The following GPR160 variants were observed in gnomAD, a reference collection of about 807,000 sequenced individuals.
GPR160 encodes the protein G protein-coupled receptor 160.
Under a neutral mutation model 2.6 loss-of-function variants are expected in GPR160, and 2 were observed. The observed-to-expected ratio is 0.77, with a 90% CI of 0.32 to 2.44. The LOEUF is 2.44. GPR160 is among the 30% of genes most tolerant of loss of function. The pLI is 0.11. For synonymous variants in GPR160, 130 were observed against 132.2 expected, an observed-to-expected ratio of 0.98 and a Z score of 0.12; for missense variants, 351 against 383.6, an observed-to-expected ratio of 0.91 and a Z score of 0.71.
At chr3:170,080,993 C>T (rs1455665774) in intron 3 of GPR160, among the ~76,000 whole-genome samples, 1 of 152,074 alleles carries the variant, frequency 6.6e-6, no homozygotes, top group Non-Finnish European at 1.5e-5. Flanking sequence ...GAGCCACGGC[C>T]CCCAGCCTGA....
intron 2 of GPR160, among the ~76,000 whole-genome samples, chr3:170,069,968 TTCTCTGTGTACCAGC>T (rs1333979682): frequency 6.6e-6 from 1 of 152,044 alleles, no homozygotes; most frequent in Non-Finnish European, 1.5e-5. Context: ...CCACAGCCTT[TTCTCTGTGTACCAGC>T]ATCCCTAGTA....
At chr3:170,066,306 A>G (rs1192337972) in intron 2 of GPR160, among the ~76,000 whole-genome samples, 1 of 151,220 alleles carries the variant, frequency 6.6e-6, no homozygotes, top group Non-Finnish European at 1.5e-5. Flanking sequence ...ACGCCCGGCT[A>G]ATTTTTGGTA....
At chr3:170,072,230 A>C (rs1468183721) in intron 2 of GPR160, among the ~76,000 whole-genome samples, 1 of 151,976 alleles carries the variant, frequency 6.6e-6, no homozygotes, top group Non-Finnish European at 1.5e-5. Context: ...GTCTGCCACC[A>C]TGCCCAGCTA....
chr3:170,064,065 A>G (rs1712151426), intron 2 of GPR160, among the ~76,000 whole-genome samples: 1 of 152,154 alleles, frequency 6.6e-6, no homozygotes, highest in South Asian at 2.1e-4. Context: ...ACATGTACAT[A>G]GGTCTTGAAG....
intron 2 of GPR160, among the ~76,000 whole-genome samples, chr3:170,078,549 A>C (rs1233017682): frequency 6.6e-6 from 1 of 152,216 alleles, no homozygotes; most frequent in African/African-American, 2.4e-5. Flanking sequence ...GATAAGAAAA[A>C]GCATTAGAGA....
At chr3:170,062,563 A>C in intron 2 of GPR160, 1 of 782,310 alleles carries the variant, frequency 1.3e-6, no homozygotes, top group Non-Finnish European at 2.2e-6. Flanking sequence ...ACGCCAGGAG[A>C]GGACCCCTCG....
chr3:170,081,434 T>A (rs1183610372), intron 3 of GPR160, among the ~76,000 whole-genome samples: 1 of 152,184 alleles, frequency 6.6e-6, no homozygotes, highest in Non-Finnish European at 1.5e-5. Flanking sequence ...GTTATGAAAA[T>A]AGATTTTGTA....
intron 2 of GPR160, among the ~76,000 whole-genome samples, chr3:170,045,941 A>G (rs1559981462): frequency 6.6e-6 from 1 of 152,192 alleles, no homozygotes; most frequent in African/African-American, 2.4e-5. Flanking sequence ...AGTAATAATA[A>G]TACCTACATC....
intron 2 of GPR160, among the ~76,000 whole-genome samples, chr3:170,054,060 A>G (rs562155626): frequency 7.3e-5 from 11 of 151,584 alleles, no homozygotes; most frequent in Admixed American, 3.3e-4. Flanking sequence ...GAATCAGACA[A>G]TTTCCATAAA....
intron 2 of GPR160, among the ~76,000 whole-genome samples, chr3:170,056,477 G>A (rs1711647744): frequency 6.6e-6 from 1 of 152,138 alleles, no homozygotes; most frequent in African/African-American, 2.4e-5. Context: ...ACAGCCCGGG[G>A]AAACAGGTTA....
At chr3:170,055,702 C>T (rs549094844) in intron 2 of GPR160, among the ~76,000 whole-genome samples, 1 of 152,194 alleles carries the variant, frequency 6.6e-6, no homozygotes, top group Admixed American at 6.5e-5. Context: ...TGGCGCGATC[C>T]CGGCTCACTG....
intron 3 of GPR160, 34 bp from the exon 4 acceptor site, chr3:170,083,871 T>TA (rs1713265309): frequency 3.4e-6 from 2 of 585,840 alleles, no homozygotes; most frequent in Admixed American, 6.2e-5. Context: ...TCAAAATAGG[T>TA]AACATTAAGG....
intron 2 of GPR160, among the ~76,000 whole-genome samples, chr3:170,063,615 G>A (rs116113664): frequency 0.014 from 1,994 of 142,236 alleles, 62 homozygotes; most frequent in African/African-American, 0.049. Flanking sequence ...CTAGGAAGCC[G>A]CGCGAGTCTC....
chr3:170,083,764 T>TTAAG (rs1295858892), intron 3 of GPR160, 141 bp from the exon 4 acceptor site: 1 of 392,044 alleles, frequency 2.6e-6, no homozygotes, highest in South Asian at 1.1e-4. Flanking sequence ...CTGTATTCTA[T>TTAAG]TAAGTATTAT....
rs1716951339 is a variant in GPR160 at position 170,051,376 on chromosome 3, T to C, written c.-193+12333T>C. ...AACTGGATTATTTCTCACCATCCTC[T>C]TATTGAGGTTCAAGAATTTTAAGGT... On this transcript the variant is annotated intron_variant, in intron 2 of 3. Coordinates refer to ENST00000355897, the MANE Select transcript of GPR160 (RefSeq NM_014373.3). Among the ~76,000 whole-genome samples, 3 of 152,252 alleles carry C rather than the reference T, an allele frequency of 2.0e-5. No homozygotes were observed. In the South Asian group the frequency reaches 6.2e-4, roughly 32 times the overall value.
chr3:170,061,928 C>T (rs1308320747), intron 2 of GPR160, among the ~76,000 whole-genome samples: 2 of 152,066 alleles, frequency 1.3e-5, no homozygotes, highest in African/African-American at 2.4e-5. Flanking sequence ...GTGGGAGCAT[C>T]GCTTGAGGCC....
rs986509527 is a variant in GPR160 at position 170,064,219 on chromosome 3, C to T, written c.-192-15555C>T. ...ACTTAATACCCCTGCCAGTTTTCCC[C>T]GCGTCCTGCTGGGTTGAAAGTTCCA... On this transcript the variant is annotated intron_variant, in intron 2 of 3. Coordinates refer to ENST00000355897, the MANE Select transcript of GPR160 (RefSeq NM_014373.3). Among the ~76,000 whole-genome samples, 91 of 152,256 alleles carry T rather than the reference C, an allele frequency of 6.0e-4. 1 individual carries two copies. The highest frequency in any genetic ancestry group is 3.4e-3 in the Middle Eastern group (1 of 294).
intron 2 of GPR160, among the ~76,000 whole-genome samples, chr3:170,073,188 C>CA (rs796203329): frequency 6.2e-4 from 84 of 135,766 alleles, no homozygotes; most frequent in Middle Eastern, 7.4e-3. Flanking sequence ...ATTCTCTTAC[C>CA]AAAAAAAAAA....
At chr3:170,078,207 A>G (rs953648252) in intron 2 of GPR160, among the ~76,000 whole-genome samples, 1 of 152,202 alleles carries the variant, frequency 6.6e-6, no homozygotes, top group Non-Finnish European at 1.5e-5. Flanking sequence ...CTTAAACGAC[A>G]TCATGCACAA....
Sources: allele counts gnomAD v4.1 joint callset (sites outside exome capture counted in the v4.1 genomes callset), GRCh38; gene constraint gnomAD v4.1.1; transcripts MANE v1.5; gene names NCBI Gene and HGNC (gene_info 2026-07-23, HGNC 2026-07-21).